The following TRIP12 variants were observed in gnomAD, a reference collection of about 807,000 sequenced individuals.
TRIP12 encodes E3 ubiquitin-protein ligase TRIP12.
TRIP12 carries 25 observed loss-of-function variants against 244.2 expected under a neutral mutation model. The observed-to-expected ratio is 0.10, with a 90% CI of 0.07 to 0.14. The LOEUF (loss-of-function observed/expected upper bound fraction) is 0.14. TRIP12 is among the 10% of genes least tolerant of loss of function. The probability of loss-of-function intolerance (pLI) is 1.00; values close to 1 mark genes in which losing one functional copy is unlikely to be tolerated. For missense variants in TRIP12, 1,677 were observed against 2,486.4 expected (o/e 0.67, Z 6.92); for synonymous variants, 905 against 873.1 (o/e 1.04, Z -0.64).
chr2:229,855,323 C>T (rs1040184820), intron 4 of TRIP12, among the ~76,000 whole-genome samples: 2 of 151,998 alleles, frequency 1.3e-5, no homozygotes, highest in Non-Finnish European at 2.9e-5. Context: ...CGATGAGGAA[C>T]AAATAAGATG....
At chr2:229,922,549 T>G, upstream of TRIP12, 1 of 1,614,050 alleles carries the variant, frequency 6.2e-7, no homozygotes, top group Non-Finnish European at 8.5e-7. Flanking sequence ...TCTTTGAAAC[T>G]GTAGGACAAG....
intron 5 of TRIP12, among the ~76,000 whole-genome samples, chr2:229,839,572 G>A (rs997691650): frequency 1.5e-4 from 23 of 151,978 alleles, no homozygotes; most frequent in Admixed American, 1.1e-3. Context: ...CCAGCTACTC[G>A]GGAGGCCGAG....
intron 11 of TRIP12, 109 bp from the exon 12 acceptor site, chr2:229,814,434 T>C (rs2048006618): frequency 3.0e-6 from 3 of 1,014,326 alleles, no homozygotes; most frequent in Admixed American, 4.6e-5. Context: ...ATCTCTAACA[T>C]GTAACCCACC....
chr2:229,901,130 C>T (rs1403538041), intron 1 of TRIP12, among the ~76,000 whole-genome samples: 1 of 151,122 alleles, frequency 6.6e-6, no homozygotes, highest in Admixed American at 6.6e-5. Context: ...GACAGGGTTT[C>T]ACTATGTTGG....
At chr2:229,857,898 G>T (rs545430593) in intron 4 of TRIP12, among the ~76,000 whole-genome samples, 1 of 152,224 alleles carries the variant, frequency 6.6e-6, no homozygotes, top group Non-Finnish European at 1.5e-5. Flanking sequence ...ACTCACTTAG[G>T]ACACAGAGTA....
chr2:229,835,540 T>C (rs1016986983), intron 6 of TRIP12, among the ~76,000 whole-genome samples: 3 of 152,226 alleles, frequency 2.0e-5, no homozygotes, highest in Non-Finnish European at 4.4e-5. Context: ...TGAGCAAGCA[T>C]AAGCAATGTT....
intron 24 of TRIP12, 82 bp downstream of exon 24, chr2:229,797,608 T>C (rs2043139098): frequency 1.9e-6 from 3 of 1,541,682 alleles, no homozygotes; most frequent in Admixed American, 3.8e-5. Flanking sequence ...CATAGGAAGC[T>C]AGAGAGTCAT....
chr2:229,786,564 A>ATTTTTTTTTTTTTTTTTTTTT (rs34969936), intron 33 of TRIP12, among the ~76,000 whole-genome samples: 1 of 78,008 alleles, frequency 1.3e-5, no homozygotes, highest in Non-Finnish European at 2.3e-5. Flanking sequence ...CGCCCAGATA[A>ATTTTTTTTTTTTTTTTTTTTT]TTTTTTTTTT....
Position 229,837,237 on chromosome 2 carries a change from G to T in TRIP12, c.1134-253C>A, listed in dbSNP as rs143475301. Among the ~76,000 whole-genome samples, 38 of 152,252 alleles carry T rather than the reference G, an allele frequency of 2.5e-4. No individual in the cohort carries two copies. The East Asian group carries it at 6.9e-3, about 28-fold the overall frequency. ...TGTTGTCATCCTCAGAAACAGAAAC[G>T]ATTTTTAAAACACTTCCAACTAAAA... On this transcript the variant is annotated intron_variant, in intron 5 of 41. Coordinates refer to ENST00000675903, the MANE Select transcript of TRIP12 (RefSeq NM_001348323.3).
chr2:229,818,665 T>C (rs1025993419), intron 8 of TRIP12, among the ~76,000 whole-genome samples, 153 bp from the exon 9 acceptor site: 6 of 152,220 alleles, frequency 3.9e-5, no homozygotes, highest in East Asian at 1.9e-4. Flanking sequence ...TGCTAATACA[T>C]TGAAGGAAGA....
intron 8 of TRIP12, among the ~76,000 whole-genome samples, chr2:229,824,519 AAAAACTG>A (rs1030225325): frequency 3.8e-4 from 58 of 152,338 alleles, no homozygotes; most frequent in Middle Eastern, 3.4e-3. Context: ...CAATAGAAAA[AAAAACTG>A]AAAACTCAAA....
At chr2:229,904,792 A>T (rs2154372614) in intron 1 of TRIP12, among the ~76,000 whole-genome samples, 1 of 152,332 alleles carries the variant, frequency 6.6e-6, no homozygotes, top group East Asian at 1.9e-4. Flanking sequence ...TGGAACAGAA[A>T]GACATTAGGT....
chr2:229,900,271 G>A (rs1045759155), intron 1 of TRIP12, among the ~76,000 whole-genome samples: 2 of 152,184 alleles, frequency 1.3e-5, no homozygotes, highest in Non-Finnish European at 2.9e-5. Context: ...ACTTGAATTT[G>A]GTTCTGAAAT....
intron 34 of TRIP12, among the ~76,000 whole-genome samples, 176 bp downstream of exon 34, chr2:229,785,581 T>G (rs1485195144): frequency 6.6e-6 from 1 of 152,220 alleles, no homozygotes; most frequent in Non-Finnish European, 1.5e-5. Flanking sequence ...AAAAACTGCC[T>G]TTTATTATTT....
At chr2:229,851,824 G>A (rs10196807) in intron 4 of TRIP12, among the ~76,000 whole-genome samples, 2,427 of 152,074 alleles carry the variant, frequency 0.016, 61 homozygotes, top group African/African-American at 0.056. Context: ...AAACACATCC[G>A]AACATCAGAA....
At chr2:229,907,002 CA>C (rs1560285631) in intron 1 of TRIP12, among the ~76,000 whole-genome samples, 1 of 152,138 alleles carries the variant, frequency 6.6e-6, no homozygotes, top group Middle Eastern at 3.2e-3. Context: ...CAGCCCCCCA[CA>C]AAACTTTTCT....
intron 1 of TRIP12, among the ~76,000 whole-genome samples, chr2:229,904,121 T>G (rs1432234845): frequency 6.6e-6 from 1 of 152,122 alleles, no homozygotes; most frequent in African/African-American, 2.4e-5. Flanking sequence ...TTAAAAAGGA[T>G]TATTAACAAT....
At chr2:229,779,986 A>G (rs1348563975) in intron 34 of TRIP12, among the ~76,000 whole-genome samples, 1 of 152,246 alleles carries the variant, frequency 6.6e-6, no homozygotes. Flanking sequence ...TAACCCTGTC[A>G]AGAAGGCAAC....
chr2:229,841,836 A>G (rs2056487517), intron 4 of TRIP12, among the ~76,000 whole-genome samples: 1 of 152,220 alleles, frequency 6.6e-6, no homozygotes, highest in African/African-American at 2.4e-5. Context: ...CATTGCTTTA[A>G]AGGGGAAAAA....
Sources: allele counts gnomAD v4.1 joint callset (sites outside exome capture counted in the v4.1 genomes callset), GRCh38; gene constraint gnomAD v4.1.1; transcripts MANE v1.5; gene names NCBI Gene and HGNC (gene_info 2026-07-23, HGNC 2026-07-21).